Variants in PLCH2 observed in about 807,000 individuals in gnomAD.
PLCH2 encodes 1-phosphatidylinositol 4,5-bisphosphate phosphodiesterase eta-2.
In PLCH2, 98 loss-of-function variants were observed where a neutral mutation model predicts 134.7. The ratio of observed to expected loss-of-function variants is 0.73; its 90% confidence interval spans 0.62 to 0.86. The LOEUF is 0.86. PLCH2 is among the 40% of genes least tolerant of loss of function. The probability of loss-of-function intolerance (pLI) is 0.00; values close to 1 mark genes in which losing one functional copy is unlikely to be tolerated. For synonymous variants in PLCH2, 974 were observed against 827.5 expected (o/e 1.18, Z -3.04); for missense variants, 1,994 against 1,986.6 (o/e 1.00, Z -0.07).
At position 2,479,897 on chromosome 1, in the gene PLCH2, C is replaced by T; in HGVS notation, c.435C>T (p.Thr145=). ...LVSTSSEVAR[T]WVTGLRYLMA... ...CCACCAGCAGCGAGGTGGCGCGCAC[C>T]TGGGTCACTGGCCTGCGCTACCTCA... Residue 145 remains threonine, a synonymous_variant, in exon 3 of 22, where the codon ACC becomes ACT. Coordinates refer to ENST00000378486, the MANE Select transcript of PLCH2 (RefSeq NM_014638.4). 1.9e-6 allele frequency: 3 copies of T among 1,611,942 alleles called. No individual in the cohort carries two copies. Among genetic ancestry groups the T allele is most frequent in the Non-Finnish European group, 2.5e-6 (3 of 1,179,570 alleles).
rs917122999 is a variant in PLCH2, at chr1:2,486,929, G to C, written c.839G>C (p.Ser280Thr). Residue 280 changes from serine (S) to threonine (T), a missense_variant, in exon 6 of 22, where the codon AGC (serine) becomes ACC (threonine). By Grantham distance (58) the Ser-to-Thr change is moderately conservative. Around this residue, in one of 2 missense-constraint regions of PLCH2, gnomAD observed 1,094 missense variants for 1,234.3 expected, o/e 0.89. Transcript: ENST00000378486. ...EQKMAGVTLE[S>T]CQDIIEQFEP... Reference sequence around the variant, plus strand: ...TAGATGGCGGGTGTGACCCTCGAGAGCTGCCAGGACATCATCGAGCAGTTT... The same window carrying C: ...TAGATGGCGGGTGTGACCCTCGAGACCTGCCAGGACATCATCGAGCAGTTT... 3 of 1,607,694 alleles carry C rather than the reference G, an allele frequency of 1.9e-6. No homozygotes were observed. In the African/African-American group the frequency reaches 4.0e-5, roughly 22 times the overall value.
chr1:2,481,737 G>A (rs937467666), intron 4 of PLCH2, among the ~76,000 whole-genome samples: 3 of 152,260 alleles, frequency 2.0e-5, no homozygotes, highest in African/African-American at 4.8e-5. Flanking sequence ...ATGTAGTGGA[G>A]GCCCAGTGGC....
chr1:2,487,987 C>A (rs868517033), intron 8 of PLCH2, among the ~76,000 whole-genome samples: 28 of 152,344 alleles, frequency 1.8e-4, no homozygotes, highest in African/African-American at 6.0e-4. Context: ...AGCTGTGGCT[C>A]CCACACTCAT....
At chr1:2,487,752 A>G (rs754921566) in intron 8 of PLCH2, 34 bp downstream of exon 8, 1 of 1,604,112 alleles carries the variant, frequency 6.2e-7, no homozygotes, top group Non-Finnish European at 8.5e-7. Context: ...CTGGCCCCAG[A>G]GGTGGGCAGG....
Position 2,504,248 on chromosome 1 carries a change from A to C in PLCH2, c.3286A>C (p.Ser1096Arg), listed in dbSNP as rs766447186. 1 of 1,586,764 alleles carries C rather than the reference A, an allele frequency of 6.3e-7. No homozygotes were observed. Among genetic ancestry groups the C allele is most frequent in the South Asian group, 1.1e-5 (1 of 88,130 alleles). The stretch of plus-strand genomic sequence containing the variant: ...CCTGCCCGTGATTAGAAGGGTGAAG[A>C]GTGAGGGGCAGGTGCCCACGGAGCC... ...GHLPVIRRVK[S>R]EGQVPTEPLG... The change falls in exon 22 of 22, where the codon AGT (serine) becomes CGT (arginine). Residue 1096 changes from serine to arginine, a missense_variant. By Grantham distance (110) the Ser-to-Arg change is moderately radical (BLOSUM62 -1). Transcript: ENST00000378486.
chr1:2,462,727 A>G (rs781777927), upstream of PLCH2, among the ~76,000 whole-genome samples: 1 of 152,042 alleles, frequency 6.6e-6, no homozygotes, highest in Non-Finnish European at 1.5e-5. Context: ...GGGCTGAGGC[A>G]GTAGGGGATC....
At chr1:2,435,321 C>T (rs1157553195) in intron 2 of PLCH2, among the ~76,000 whole-genome samples, 2 of 152,152 alleles carry the variant, frequency 1.3e-5, no homozygotes, top group African/African-American at 4.8e-5. Context: ...GGCACCTGGG[C>T]TCGGGGTGTT....
chr1:2,476,485 C>T lies in PLCH2; in HGVS notation c.-104C>T, dbSNP rs1641625396. 3 of 1,115,050 alleles carry T rather than the reference C, an allele frequency of 2.7e-6. No homozygotes were observed. Among genetic ancestry groups the T allele is most frequent in the Non-Finnish European group, 1.2e-6 (1 of 813,354 alleles). The allele number at this position is 1,115,050 out of a possible 1,614,324, so 69.1% of individuals were successfully genotyped here. ...AGGAAGAGGCAGAGGAGAGAAGGCC[C>T]CACGGAGGTCCTGTCGCCAGCGCTG... On this transcript the variant is annotated 5_prime_UTR_variant, in exon 1 of 22. Coordinates refer to ENST00000378486, the MANE Select transcript of PLCH2 (RefSeq NM_014638.4).
At chr1:2,458,561 G>T (rs960429178) in intron 2 of PLCH2, among the ~76,000 whole-genome samples, 4 of 152,188 alleles carry the variant, frequency 2.6e-5, no homozygotes, top group Non-Finnish European at 5.9e-5. Flanking sequence ...GACCCAGTGG[G>T]TCCAGCAAGG....
rs1290386480 is a variant in PLCH2, at chr1:2,502,644, C to A, written c.2959+235C>A. On this transcript the variant is annotated intron_variant, in intron 21 of 21. Transcript: ENST00000378486. ...CGGGCCCGGGCTGACTCACTGGGGG[C>A]CCCCTGCTGTGGCCTGGACCCTCAC... The A allele has an allele frequency of 1.0e-5, 7 of 678,040 alleles. No individual in the cohort carries two copies. In the East Asian group the frequency reaches 1.4e-4, roughly 13 times the overall value. 42.0% of individuals were successfully genotyped at this position (678,040 alleles called of 1,614,324 possible). A position where few individuals can be genotyped will look rare whatever the true frequency, so the allele number is the denominator to read the frequency against.
At position 2,498,670 on chromosome 1, in the gene PLCH2, C is replaced by A; in HGVS notation, c.2349+23C>A. On this transcript the variant is annotated intron_variant, in intron 17 of 21. Transcript: ENST00000378486. This position sits in a 1 kb window ranked among gnomAD's most constrained non-coding sequence, Gnocchi z 5.4. ...GAGGTGGGGGCCAGCCCCACACAGG[C>A]GGGAGGGGTGGGAGTTGGGGGCGGG... 3.2e-6 allele frequency: 1 copy of A among 313,866 alleles called. No individual in the cohort carries two copies. The highest frequency in any genetic ancestry group is 5.1e-6 in the Non-Finnish European group (1 of 197,392). The allele number at this position is 313,866 out of a possible 1,614,324, so 19.4% of individuals were successfully genotyped here.
At chr1:2,491,167 A>G in intron 10 of PLCH2, 25 bp from the exon 11 acceptor site, 3 of 1,604,300 alleles carry the variant, frequency 1.9e-6, no homozygotes, top group Non-Finnish European at 2.6e-6. Flanking sequence ...ACAGATGCCA[A>G]CAGGCCGGCC....
In PLCH2 at chr1:2,454,668, G is replaced by A. The variant is rs578023779; in HGVS notation, c.116-23808G>A. 4.1e-4 allele frequency among the ~76,000 whole-genome samples: 62 copies of A among 152,242 alleles called. No individual in the cohort carries two copies. The Middle Eastern group carries it at 0.02, about 50-fold the overall frequency. On this transcript the variant is annotated intron_variant, in intron 2 of 3. Transcript: ENST00000609981. ...CGAGTGGGGAGGGGCCAGGACCTGAGCCCCAGTGGCTTCCCCAGGGGCCCC... is the reference window on the plus strand; with the variant it reads ...CGAGTGGGGAGGGGCCAGGACCTGAACCCCAGTGGCTTCCCCAGGGGCCCC...
chr1:2,494,492 G>A (rs1642765046), intron 11 of PLCH2: 2 of 365,024 alleles, frequency 5.5e-6, no homozygotes, highest in South Asian at 2.4e-5. Context: ...CAGTATTCCA[G>A]GCACACAAAC....
In PLCH2 at chr1:2,504,031, C is replaced by T; in HGVS notation, c.3069C>T (p.Pro1023=). ...GPGPPPPAAV[P]TSSSQGRPPY... ...GTCCCCCGCCACCAGCGGCTGTCCC[C>T]ACCAGCTCTTCTCAGGGACGGCCCC... The change falls in exon 22 of 22, where the codon CCC becomes CCT. Residue 1023 remains proline, a synonymous_variant. Transcript: ENST00000378486. 6.5e-7 allele frequency: 1 copy of T among 1,541,304 alleles called. No individual in the cohort carries two copies. Among genetic ancestry groups the T allele is most frequent in the Non-Finnish European group, 8.8e-7 (1 of 1,139,576 alleles).
At chr1:2,456,613 G>A (rs1489749300) in intron 2 of PLCH2, among the ~76,000 whole-genome samples, 1 of 152,198 alleles carries the variant, frequency 6.6e-6, no homozygotes, top group Non-Finnish European at 1.5e-5. Context: ...GGACATGGGG[G>A]AGCTGCTGGA....
chr1:2,449,480 G>A (rs1640094161), intron 2 of PLCH2, among the ~76,000 whole-genome samples: 1 of 149,682 alleles, frequency 6.7e-6, no homozygotes, highest in South Asian at 2.2e-4. Flanking sequence ...GGGTGACATA[G>A]TGAGACTCTG....
At chr1:2,438,919 C>T (rs1371310364) in intron 2 of PLCH2, among the ~76,000 whole-genome samples, 1 of 152,156 alleles carries the variant, frequency 6.6e-6, no homozygotes, top group Admixed American at 6.5e-5. Flanking sequence ...AGTGTTTTGC[C>T]CCACTTCGCC....
At chr1:2,431,238 C>T (rs1639056089) in intron 2 of PLCH2, among the ~76,000 whole-genome samples, 1 of 151,930 alleles carries the variant, frequency 6.6e-6, no homozygotes, top group African/African-American at 2.4e-5. Flanking sequence ...AGGCAAGAAC[C>T]ATGGCAGTGG....
Sources: allele counts gnomAD v4.1 joint callset (sites outside exome capture counted in the v4.1 genomes callset), GRCh38; gene constraint gnomAD v4.1.1; regional missense constraint gnomAD v4.1.1; non-coding constraint Gnocchi (gnomAD v3.1); transcripts MANE v1.5; gene names NCBI Gene and HGNC (gene_info 2026-07-23, HGNC 2026-07-21).